Variants in SGK3 observed in about 807,000 individuals in gnomAD.
The protein encoded by SGK3 is serum/glucocorticoid regulated kinase family member 3.
Under a neutral mutation model 68.5 loss-of-function variants are expected in SGK3, and 47 were observed. The ratio of observed to expected loss-of-function variants is 0.69; its 90% CI spans 0.54 to 0.87. The LOEUF is 0.87. Ranked by LOEUF, SGK3 falls within the 40% of genes least tolerant of loss-of-function variation. The pLI is 0.00. For synonymous variants in SGK3, 181 were observed against 189.1 expected, an observed-to-expected ratio of 0.96 and a Z score of 0.35; for missense variants, 479 against 575.5, an observed-to-expected ratio of 0.83 and a Z score of 1.72.
chr8:66,811,204 G>C lies in SGK3; in HGVS notation c.254-2649G>C, dbSNP rs553424627. Reference sequence around the variant, plus strand: ...CTAATTTTTAAAATTTTTTTGTAGAGACATGCTCTCACTATGTTGTCCAGG... The same window carrying C: ...CTAATTTTTAAAATTTTTTTGTAGACACATGCTCTCACTATGTTGTCCAGG... On this transcript the variant is annotated intron_variant, in intron 4 of 16. Coordinates refer to ENST00000521198, the MANE Select transcript of SGK3 (RefSeq NM_001033578.3). Among the ~76,000 whole-genome samples, 7 of 152,158 alleles carry C rather than the reference G, an allele frequency of 4.6e-5. No individual in the cohort carries two copies. The South Asian group carries it at 1.0e-3, about 23-fold the overall frequency.
In SGK3 at chr8:66,745,623, T is replaced by G. The variant is rs1243054913; in HGVS notation, c.-122+32790T>G. Among the ~76,000 whole-genome samples the G allele has an allele frequency of 2.0e-5, 3 of 151,966 alleles. No individual in the cohort carries two copies. In the East Asian group the frequency reaches 5.8e-4, roughly 29 times the overall value. ...AAAACAACAAAAACTGAGTAAAAGT[T>G]TTGTGTATCTGGGTGGGACTTTGTC... On this transcript the variant is annotated intron_variant, in intron 1 of 16. Coordinates refer to ENST00000521198, the MANE Select transcript of SGK3 (RefSeq NM_001033578.3).
chr8:66,853,807 G>T (rs993028524), intron 16 of SGK3, among the ~76,000 whole-genome samples: 14 of 152,158 alleles, frequency 9.2e-5, no homozygotes, highest in African/African-American at 3.1e-4. Context: ...ATAGAGAAAG[G>T]ATAATAGCAG....
At chr8:66,756,181 G>A (rs1585672924) in intron 1 of SGK3, among the ~76,000 whole-genome samples, 2 of 152,098 alleles carry the variant, frequency 1.3e-5, no homozygotes, top group Non-Finnish European at 2.9e-5. Flanking sequence ...GAAGGCAGCC[G>A]TCTACAAGCC....
chr8:66,824,568 A>G (rs562702204), intron 6 of SGK3, among the ~76,000 whole-genome samples: 3 of 152,166 alleles, frequency 2.0e-5, no homozygotes, highest in African/African-American at 4.8e-5. Context: ...TTGGAAAGCA[A>G]TTCAGCAGTA....
chr8:66,838,589 G>A (rs1261904596), intron 10 of SGK3, among the ~76,000 whole-genome samples: 1 of 152,120 alleles, frequency 6.6e-6, no homozygotes, highest in Non-Finnish European at 1.5e-5. Flanking sequence ...TGGTTTCTTC[G>A]TGCTCTTTTA....
At chr8:66,774,321 T>G (rs1459256845) in intron 1 of SGK3, among the ~76,000 whole-genome samples, 1 of 152,066 alleles carries the variant, frequency 6.6e-6, no homozygotes, top group Admixed American at 6.6e-5. Flanking sequence ...CCTGCCATAT[T>G]CATTAGTTAC....
rs148921906 is a variant in SGK3, at chr8:66,798,958, C to G, written c.180+333C>G. The stretch of plus-strand genomic sequence containing the variant: ...ATGGTATTTCTGGTTAAATTGCCTA[C>G]TGTAAGCTTTATGTTTGAAAGTCTG... On this transcript the variant is annotated intron_variant, in intron 3 of 16. Transcript: ENST00000521198. Among the ~76,000 whole-genome samples the G allele has an allele frequency of 1.0e-2, 1,519 of 152,308 alleles. 24 individuals carry two copies. Among genetic ancestry groups the G allele is most frequent in the African/African-American group, 0.035 (1,444 of 41,562 alleles).
At chr8:66,730,617 T>G (rs1302880838) in intron 1 of SGK3, among the ~76,000 whole-genome samples, 1 of 152,176 alleles carries the variant, frequency 6.6e-6, no homozygotes, top group South Asian at 2.1e-4. Flanking sequence ...GAGTTAATTT[T>G]TGTTTATGGT....
chr8:66,828,611 A>G, intron 6 of SGK3, 43 bp from the exon 7 acceptor site: 1 of 1,609,246 alleles, frequency 6.2e-7, no homozygotes, highest in Admixed American at 1.7e-5. Context: ...TTAATTTTTG[A>G]AGCTCCAATA....
chr8:66,727,870 A>G (rs1322066896), intron 1 of SGK3, among the ~76,000 whole-genome samples: 1 of 152,220 alleles, frequency 6.6e-6, no homozygotes, highest in Admixed American at 6.5e-5. Context: ...ACGCTGAGAA[A>G]ATTCAAATGA....
At chr8:66,826,130 G>A (rs1379864730) in intron 6 of SGK3, among the ~76,000 whole-genome samples, 5 of 151,886 alleles carry the variant, frequency 3.3e-5, no homozygotes, top group South Asian at 2.1e-4. Flanking sequence ...ACGCCACCAC[G>A]CCAAGCTAAT....
rs185047159 is a variant in SGK3, at chr8:66,832,212, G to A, written c.525+901G>A. 1.7e-3 allele frequency among the ~76,000 whole-genome samples: 256 copies of A among 152,272 alleles called. 3 individuals carry two copies. Among genetic ancestry groups the A allele is most frequent in the African/African-American group, 5.8e-3 (243 of 41,548 alleles). On this transcript the variant is annotated intron_variant, in intron 8 of 16. Coordinates refer to ENST00000521198, the MANE Select transcript of SGK3 (RefSeq NM_001033578.3). ...ATGAATCATGTAACTTGACAGTATA[G>A]CCATACCAAGGAAGGAGAATCACTT...
At chr8:66,778,707 T>C (rs949180501) in intron 1 of SGK3, among the ~76,000 whole-genome samples, 2 of 152,156 alleles carry the variant, frequency 1.3e-5, no homozygotes, top group South Asian at 2.1e-4. Flanking sequence ...ATGAAGAAGA[T>C]GACAAGGAAA....
chr8:66,756,749 T>C (rs1345997679), intron 1 of SGK3, among the ~76,000 whole-genome samples: 1 of 151,732 alleles, frequency 6.6e-6, no homozygotes, highest in Non-Finnish European at 1.5e-5. Context: ...ACCTGGCCAA[T>C]TTTTGTATGT....
chr8:66,771,743 T>C (rs569411392), intron 1 of SGK3, among the ~76,000 whole-genome samples: 4 of 152,138 alleles, frequency 2.6e-5, no homozygotes, highest in Admixed American at 6.6e-5. Context: ...TTAAGGAAAG[T>C]TGAAAATAAT....
chr8:66,765,937 A>G (rs1378193125), intron 1 of SGK3, among the ~76,000 whole-genome samples: 1 of 152,002 alleles, frequency 6.6e-6, no homozygotes, highest in Non-Finnish European at 1.5e-5. Context: ...AGGCAGGAGA[A>G]TGGCATGAAC....
chr8:66,733,680 T>C (rs1805233172), intron 1 of SGK3, among the ~76,000 whole-genome samples: 1 of 152,210 alleles, frequency 6.6e-6, no homozygotes, highest in South Asian at 2.1e-4. Context: ...TTTAAATTAC[T>C]CAAAGTTCCT....
intron 4 of SGK3, 87 bp downstream of exon 4, chr8:66,804,534 T>C: frequency 1.5e-6 from 2 of 1,351,426 alleles, no homozygotes; most frequent in Non-Finnish European, 2.0e-6. Flanking sequence ...TGTATAGCAG[T>C]GCAGGACTTT....
intron 1 of SGK3, among the ~76,000 whole-genome samples, chr8:66,742,956 C>T (rs1043404403): frequency 1.8e-4 from 28 of 152,264 alleles, no homozygotes; most frequent in African/African-American, 6.5e-4. Context: ...TGCTTTTGAG[C>T]CTTTACTTAC....
Sources: allele counts gnomAD v4.1 joint callset (sites outside exome capture counted in the v4.1 genomes callset), GRCh38; gene constraint gnomAD v4.1.1; transcripts MANE v1.5; gene names NCBI Gene and HGNC (gene_info 2026-07-23, HGNC 2026-07-21).